Variants in ARHGEF12 observed in about 807,000 individuals in gnomAD.
ARHGEF12 encodes Rho guanine nucleotide exchange factor 12, also known as KMT2A/ARHGEF12 fusion protein.
A neutral mutation model predicts 211.2 loss-of-function variants in ARHGEF12; 66 were observed. That is an observed-to-expected ratio of 0.31 (90% confidence interval 0.26 to 0.38). The LOEUF is 0.38. Ranked by LOEUF, ARHGEF12 falls within the 10% of genes least tolerant of loss-of-function variation. ARHGEF12 has a pLI of 1.00. For synonymous variants in ARHGEF12, 592 were observed against 638.4 expected (o/e 0.93, Z 1.09); for missense variants, 1,429 against 1,869.5 (o/e 0.76, Z 4.34).
intron 33 of ARHGEF12, 57 bp downstream of exon 33, chr11:120,475,564 A>G (rs1412839355): frequency 1.3e-6 from 2 of 1,560,256 alleles, no homozygotes; most frequent in Non-Finnish European, 1.8e-6. Flanking sequence ...GTTGCATAAG[A>G]TACTCGGTGC....
At chr11:120,433,232 A>G (rs1166898414) in intron 11 of ARHGEF12, among the ~76,000 whole-genome samples, 1 of 152,180 alleles carries the variant, frequency 6.6e-6, no homozygotes. Flanking sequence ...CAGTAATCGA[A>G]ATATAAACAA....
intron 22 of ARHGEF12, among the ~76,000 whole-genome samples, chr11:120,454,329 C>A (rs1946299934): frequency 6.6e-6 from 1 of 152,134 alleles, no homozygotes; most frequent in South Asian, 2.1e-4. Flanking sequence ...ATTTTCCCTA[C>A]AAGAGAAAGA....
intron 7 of ARHGEF12, among the ~76,000 whole-genome samples, chr11:120,427,754 C>T (rs1945390664): frequency 6.6e-6 from 1 of 151,604 alleles, no homozygotes; most frequent in Non-Finnish European, 1.5e-5. Context: ...TTTTAACACT[C>T]CTCTAAATAA....
chr11:120,423,709 A>G (rs1214109257), intron 6 of ARHGEF12, among the ~76,000 whole-genome samples: 1 of 152,118 alleles, frequency 6.6e-6, no homozygotes, highest in Non-Finnish European at 1.5e-5. Flanking sequence ...AGCTAACAGT[A>G]ACTGCCTCAT....
At chr11:120,392,891 A>G (rs1015627797) in intron 1 of ARHGEF12, among the ~76,000 whole-genome samples, 26 of 152,320 alleles carry the variant, frequency 1.7e-4, no homozygotes, top group African/African-American at 6.3e-4. Flanking sequence ...TGCTTACCCA[A>G]GAATGGAATT....
intron 15 of ARHGEF12, among the ~76,000 whole-genome samples, chr11:120,444,751 C>T (rs532952462): frequency 1.3e-5 from 2 of 152,182 alleles, no homozygotes; most frequent in Admixed American, 6.5e-5. Flanking sequence ...TGGGGGAAAA[C>T]AACAGACTGG....
intron 1 of ARHGEF12, among the ~76,000 whole-genome samples, chr11:120,376,145 T>G (rs114080131): frequency 0.013 from 2,008 of 152,312 alleles, 53 homozygotes; most frequent in African/African-American, 0.046. Flanking sequence ...CTAGTTAGGT[T>G]AATTGCTCTG....
At chr11:120,465,023 GA>G in intron 27 of ARHGEF12, 1 of 514,650 alleles carries the variant, frequency 1.9e-6, no homozygotes, top group Non-Finnish European at 3.3e-6. Context: ...AAAAAAAAAA[GA>G]AGAAGAAAAC....
At chr11:120,383,455 CA>C (rs1246713210) in intron 1 of ARHGEF12, among the ~76,000 whole-genome samples, 1 of 152,104 alleles carries the variant, frequency 6.6e-6, no homozygotes, top group East Asian at 1.9e-4. Context: ...ATTATATACT[CA>C]CCATAATGTA....
chr11:120,414,807 T>C (rs74863335), intron 4 of ARHGEF12, among the ~76,000 whole-genome samples: 1 of 152,300 alleles, frequency 6.6e-6, no homozygotes, highest in East Asian at 1.9e-4. Context: ...GCCCAGGCTG[T>C]GCTCAAACTC....
chr11:120,445,511 A>G (rs768224843), intron 16 of ARHGEF12, 47 bp downstream of exon 16: 1 of 1,570,664 alleles, frequency 6.4e-7, no homozygotes, highest in Non-Finnish European at 8.8e-7. Flanking sequence ...CTTAATAGAT[A>G]TGTAGCTCAG....
Position 120,459,336 on chromosome 11 carries a change from T to G in ARHGEF12, c.2527+16T>G. Reference sequence around the variant, plus strand: ...CAACTTCATAGTAAGAGAAATTAGCTCTGATCTTTGCCCCTAACATTTCCA... The same window carrying G: ...CAACTTCATAGTAAGAGAAATTAGCGCTGATCTTTGCCCCTAACATTTCCA... On this transcript the variant is annotated intron_variant, in intron 26 of 40. Transcript: ENST00000397843. 6.2e-7 allele frequency: 1 copy of G among 1,607,392 alleles called. No individual in the cohort carries two copies. The highest frequency in any genetic ancestry group is 8.5e-7 in the Non-Finnish European group (1 of 1,176,838).
At chr11:120,392,462 G>GT (rs1283851933) in intron 1 of ARHGEF12, among the ~76,000 whole-genome samples, 1 of 152,054 alleles carries the variant, frequency 6.6e-6, no homozygotes, top group African/African-American at 2.4e-5. Context: ...GTTCATTAAC[G>GT]TAACCTCCAG....
Position 120,485,250 on chromosome 11 carries a change from T to A in ARHGEF12, c.*173T>A. 1 of 650,822 alleles carries A rather than the reference T, an allele frequency of 1.5e-6. No individual in the cohort carries two copies. Among genetic ancestry groups the A allele is most frequent in the Admixed American group, 2.7e-5 (1 of 37,720 alleles). 40.3% of individuals were successfully genotyped at this position (650,822 alleles called of 1,614,324 possible). On this transcript the variant is annotated 3_prime_UTR_variant, in exon 41 of 41. Coordinates refer to ENST00000397843, the MANE Select transcript of ARHGEF12 (RefSeq NM_015313.3). ...CCAGAGTGGGACTAGTTCTTCACAG[T>A]GTGGCAGCTGCACTAATCTGTTTGT...
intron 1 of ARHGEF12, among the ~76,000 whole-genome samples, chr11:120,402,070 A>G (rs1424813390): frequency 6.6e-6 from 1 of 152,208 alleles, no homozygotes; most frequent in Non-Finnish European, 1.5e-5. Flanking sequence ...ATTATGTTTT[A>G]GAGGAGATGC....
chr11:120,446,320 G>T (rs1442382900), intron 16 of ARHGEF12, 83 bp from the exon 17 acceptor site: 1 of 971,292 alleles, frequency 1.0e-6, no homozygotes, highest in Non-Finnish European at 1.5e-6. Flanking sequence ...AAGTTAATTT[G>T]TACGAAGTAG....
intron 4 of ARHGEF12, among the ~76,000 whole-genome samples, chr11:120,413,726 A>C (rs1944949944): frequency 6.6e-6 from 1 of 152,184 alleles, no homozygotes; most frequent in Non-Finnish European, 1.5e-5. Context: ...CACCAGTTTA[A>C]AATGAGCTGT....
chr11:120,361,960 C>G (rs1022260952), intron 1 of ARHGEF12, among the ~76,000 whole-genome samples: 1 of 152,170 alleles, frequency 6.6e-6, no homozygotes, highest in African/African-American at 2.4e-5. Flanking sequence ...TTGCCAAACT[C>G]TATATGTAGC....
intron 1 of ARHGEF12, among the ~76,000 whole-genome samples, chr11:120,356,861 A>G (rs191164310): frequency 1.3e-5 from 2 of 152,196 alleles, no homozygotes; most frequent in South Asian, 2.1e-4. Context: ...TGTGCTAGGT[A>G]CTGTAATGTT....
Sources: gnomAD v4.1 joint callset for allele counts (sites outside exome capture counted in the v4.1 genomes callset) on GRCh38, gnomAD v4.1.1 for gene constraint, MANE v1.5 for transcripts, NCBI Gene and HGNC (gene_info 2026-07-23, HGNC 2026-07-21) for gene names.